MCUB: variants seen among roughly 807,000 people sequenced by gnomAD.
MCUB encodes the protein calcium uniporter regulatory subunit MCUb, mitochondrial.
MCUB carries 46 observed loss-of-function variants against 41.4 expected under a neutral mutation model. The ratio of observed to expected loss-of-function variants is 1.11; its 90% CI spans 0.88 to 1.42. The LOEUF (loss-of-function observed/expected upper bound fraction) is 1.42, where lower values mean the gene tolerates loss of function less well. MCUB is among the 40% of genes most tolerant of loss of function. The pLI, the probability that MCUB is intolerant of heterozygous loss-of-function variation, is 0.00. For synonymous variants in MCUB, 148 were observed against 148.2 expected, an observed-to-expected ratio of 1.00 and a Z score of 0.01; for missense variants, 403 against 404.9, an observed-to-expected ratio of 1.00 and a Z score of 0.04.
chr4:109,680,952 T>C (rs900529378), intron 4 of MCUB, among the ~76,000 whole-genome samples: 2 of 152,194 alleles, frequency 1.3e-5, no homozygotes, highest in African/African-American at 4.8e-5. Flanking sequence ...TATGGACTTA[T>C]AAACCCATGG....
chr4:109,578,771 A>T (rs1727095944), intron 1 of MCUB, among the ~76,000 whole-genome samples: 1 of 151,742 alleles, frequency 6.6e-6, no homozygotes, highest in African/African-American at 2.4e-5. Context: ...CTCCCAAAGA[A>T]TCTCATGCTT....
chr4:109,664,413 C>A lies in MCUB; in HGVS notation c.451+19C>A. The A allele has an allele frequency of 2.2e-6, 2 of 902,848 alleles. No homozygotes were observed. The highest frequency in any genetic ancestry group is 3.4e-6 in the Non-Finnish European group (2 of 581,976). The allele number at this position is 902,848 out of a possible 1,614,324, so 55.9% of individuals were successfully genotyped here. On this transcript the variant is annotated intron_variant, in intron 4 of 7. Coordinates refer to ENST00000394650, the MANE Select transcript of MCUB (RefSeq NM_017918.5). Reference sequence around the variant, plus strand: ...AAGAGAGGTAAGAAACACAGCTATCCAACTATTACTTTTTTTTTTTTTTTT... The same window carrying A: ...AAGAGAGGTAAGAAACACAGCTATCAAACTATTACTTTTTTTTTTTTTTTT...
chr4:109,669,413 G>A (rs190154845), intron 4 of MCUB, among the ~76,000 whole-genome samples: 3 of 151,840 alleles, frequency 2.0e-5, no homozygotes, highest in Non-Finnish European at 4.4e-5. Context: ...ATAGCTAAGG[G>A]TTCCCCCCTT....
At chr4:109,663,836 A>G (rs1729278733) in intron 3 of MCUB, among the ~76,000 whole-genome samples, 1 of 151,996 alleles carries the variant, frequency 6.6e-6, no homozygotes, top group Non-Finnish European at 1.5e-5. Context: ...ACAGGCCCAG[A>G]AGAGGGCAGG....
intron 1 of MCUB, among the ~76,000 whole-genome samples, chr4:109,598,607 G>C (rs197221): frequency 0.68 from 99,257 of 145,476 alleles, 33,077 homozygotes; most frequent in African/African-American, 0.79. Flanking sequence ...AGAGGGAGAC[G>C]GTGGGGAGAC....
intron 1 of MCUB, among the ~76,000 whole-genome samples, chr4:109,641,971 AT>A (rs1310136998): frequency 2.6e-5 from 4 of 152,222 alleles, no homozygotes; most frequent in African/African-American, 9.6e-5. Context: ...AGATGTATTC[AT>A]TTAAATAGTT....
At chr4:109,641,333 T>G (rs941096384) in intron 1 of MCUB, among the ~76,000 whole-genome samples, 1 of 151,438 alleles carries the variant, frequency 6.6e-6, no homozygotes, top group African/African-American at 2.4e-5. Context: ...CTCGATCTCC[T>G]GACCTCGTGA....
intron 1 of MCUB, among the ~76,000 whole-genome samples, chr4:109,646,151 G>C (rs781537722): frequency 2.0e-5 from 3 of 151,936 alleles, no homozygotes; most frequent in Non-Finnish European, 4.4e-5. Context: ...TCTGTCTCCA[G>C]CCCCTCAGCT....
chr4:109,570,428 T>C (rs1374468413), intron 1 of MCUB, among the ~76,000 whole-genome samples: 1 of 152,268 alleles, frequency 6.6e-6, no homozygotes, highest in East Asian at 1.9e-4. Context: ...TGTTGGTCTA[T>C]GTCAGAGATT....
chr4:109,637,996 T>G (rs1356076615), intron 1 of MCUB, among the ~76,000 whole-genome samples: 1 of 152,206 alleles, frequency 6.6e-6, no homozygotes, highest in African/African-American at 2.4e-5. Flanking sequence ...GTAAAGCAAG[T>G]CTTGCAATAA....
chr4:109,617,680 AT>A (rs1413257325), intron 1 of MCUB, among the ~76,000 whole-genome samples: 1 of 152,206 alleles, frequency 6.6e-6, no homozygotes, highest in East Asian at 1.9e-4. Context: ...TATGTTACAG[AT>A]TCATAATTAA....
At chr4:109,684,370 T>C in intron 5 of MCUB, 73 bp from the exon 6 acceptor site, 1 of 1,291,460 alleles carries the variant, frequency 7.7e-7, no homozygotes, top group Non-Finnish European at 1.1e-6. Context: ...CAAGAGTTCC[T>C]TTTCATCTTG....
intron 4 of MCUB, among the ~76,000 whole-genome samples, chr4:109,677,708 T>C (rs1430229392): frequency 6.6e-6 from 1 of 151,982 alleles, no homozygotes; most frequent in Non-Finnish European, 1.5e-5. Context: ...TGCTACATTA[T>C]GATGCAGCAA....
In MCUB at chr4:109,560,297, G is replaced by C. The variant is rs574337713; in HGVS notation, c.-41G>C. The C allele has an allele frequency of 1.9e-6, 2 of 1,038,614 alleles. No homozygotes were observed. Among genetic ancestry groups the C allele is most frequent in the Non-Finnish European group, 2.5e-6 (2 of 809,274 alleles). 64.3% of individuals were successfully genotyped at this position (1,038,614 alleles called of 1,614,324 possible). ...GAGGAGCCCGGCTGAGGGAGGATGC[G>C]CCGCTGACGCCTGCGGGAGCCGCGC... On this transcript the variant is annotated 5_prime_UTR_variant, in exon 1 of 8. Coordinates refer to ENST00000394650, the MANE Select transcript of MCUB (RefSeq NM_017918.5).
At chr4:109,570,774 C>T (rs1421355444) in intron 1 of MCUB, among the ~76,000 whole-genome samples, 1 of 152,110 alleles carries the variant, frequency 6.6e-6, no homozygotes, top group Non-Finnish European at 1.5e-5. Context: ...TTAATAAGGA[C>T]CAATTACGAA....
chr4:109,648,176 C>T (rs1241676256), intron 1 of MCUB, among the ~76,000 whole-genome samples: 1 of 152,086 alleles, frequency 6.6e-6, no homozygotes, highest in Non-Finnish European at 1.5e-5. Context: ...GGTTGTAGTC[C>T]TTCGTTATCT....
chr4:109,668,159 G>A (rs910804965), intron 4 of MCUB, among the ~76,000 whole-genome samples: 1 of 152,032 alleles, frequency 6.6e-6, no homozygotes, highest in East Asian at 1.9e-4. Flanking sequence ...GTTGATTGGT[G>A]GTGCTATTGA....
At chr4:109,627,467 T>G (rs1006384731) in intron 1 of MCUB, among the ~76,000 whole-genome samples, 2 of 152,176 alleles carry the variant, frequency 1.3e-5, no homozygotes, top group African/African-American at 4.8e-5. Flanking sequence ...CCCATAGCAG[T>G]TTTTCATAAC....
intron 1 of MCUB, among the ~76,000 whole-genome samples, chr4:109,623,439 T>C (rs11942332): frequency 0.2 from 30,628 of 152,146 alleles, 4,456 homozygotes; most frequent in African/African-American, 0.41. Context: ...CATAATTTTC[T>C]TAATGTGAAG....
Sources: gnomAD v4.1 joint callset for allele counts (sites outside exome capture counted in the v4.1 genomes callset) on GRCh38, gnomAD v4.1.1 for gene constraint, MANE v1.5 for transcripts, NCBI Gene and HGNC (gene_info 2026-07-23, HGNC 2026-07-21) for gene names.